The following AXDND1 variants were observed in gnomAD, a reference collection of about 807,000 sequenced individuals.
AXDND1 encodes axonemal dynein light chain domain-containing protein 1.
In AXDND1, 110 loss-of-function variants were observed where a neutral mutation model predicts 137.5. That is an observed-to-expected ratio of 0.80 (90% CI 0.69 to 0.94). AXDND1 has a LOEUF of 0.94. AXDND1 is among the 40% of genes least tolerant of loss of function. The pLI is 0.00. For missense variants in AXDND1, 1,191 were observed against 1,169.8 expected, an observed-to-expected ratio of 1.02 and a Z score of -0.26; for synonymous variants, 414 against 399.7, an observed-to-expected ratio of 1.04 and a Z score of -0.43.
intron 12 of AXDND1, among the ~76,000 whole-genome samples, chr1:179,420,359 G>T (rs560268110): frequency 2.0e-5 from 3 of 152,134 alleles, no homozygotes; most frequent in African/African-American, 7.2e-5. Flanking sequence ...ATTTTGTGAG[G>T]ATTTTTACAT....
Position 179,397,186 on chromosome 1 carries a change from T to C in AXDND1, c.1109+1984T>C, listed in dbSNP as rs894545706. On this transcript the variant is annotated intron_variant, in intron 11 of 25. Transcript: ENST00000367618. Reference sequence around the variant, plus strand: ...TCTTTTAAGGCAGATCTGGTGGTAATGAATTTTCTCAGCACTTGCTTGTCT... The same window carrying C: ...TCTTTTAAGGCAGATCTGGTGGTAACGAATTTTCTCAGCACTTGCTTGTCT... Among the ~76,000 whole-genome samples, 3 of 152,338 alleles carry C rather than the reference T, an allele frequency of 2.0e-5. No homozygotes were observed. In the East Asian group the frequency reaches 5.8e-4, roughly 29 times the overall value.
At chr1:179,540,844 C>T (rs1463875345) in intron 25 of AXDND1, among the ~76,000 whole-genome samples, 1 of 152,210 alleles carries the variant, frequency 6.6e-6, no homozygotes, top group African/African-American at 2.4e-5. Flanking sequence ...TCTATAAGTC[C>T]CTGACTTGGG....
At chr1:179,394,827 C>T (rs530930754) in intron 10 of AXDND1, among the ~76,000 whole-genome samples, 53 of 152,218 alleles carry the variant, frequency 3.5e-4, no homozygotes, top group Non-Finnish European at 6.3e-4. Context: ...GGCGGCCTTG[C>T]ATGTCAGCAT....
At chr1:179,439,116 C>T (rs1234090950) in intron 15 of AXDND1, among the ~76,000 whole-genome samples, 1 of 152,156 alleles carries the variant, frequency 6.6e-6, no homozygotes, top group Non-Finnish European at 1.5e-5. Flanking sequence ...GGTCTCCAAT[C>T]CACAATGTCT....
In AXDND1 at chr1:179,397,324, C is replaced by T. The variant is rs146000272; in HGVS notation, c.1109+2122C>T. On this transcript the variant is annotated intron_variant, in intron 11 of 25. Coordinates refer to ENST00000367618, the MANE Select transcript of AXDND1 (RefSeq NM_144696.6). Reference sequence around the variant, plus strand: ...TTGAATATTGGCTTCCAATCTCTTACGGCTTGTAGGGTTTCTGCTGAGAGG... The same window carrying T: ...TTGAATATTGGCTTCCAATCTCTTATGGCTTGTAGGGTTTCTGCTGAGAGG... Among the ~76,000 whole-genome samples the T allele has an allele frequency of 3.9e-3, 594 of 152,190 alleles. 5 individuals are homozygous for T. The highest frequency in any genetic ancestry group is 0.013 in the African/African-American group (551 of 41,530).
At chr1:179,385,431 T>G (rs1021108171) in intron 9 of AXDND1, 72 bp downstream of exon 9, 18 of 1,553,508 alleles carry the variant, frequency 1.2e-5, no homozygotes, top group Non-Finnish European at 1.5e-5. Context: ...TATCTACTTT[T>G]GAGAATGCCA....
intron 21 of AXDND1, among the ~76,000 whole-genome samples, chr1:179,512,252 T>C (rs1572132620): frequency 1.3e-5 from 2 of 152,168 alleles, no homozygotes; most frequent in African/African-American, 2.4e-5. Flanking sequence ...AGGTGAGAGA[T>C]GAGGATCCAG....
At chr1:179,498,060 T>C (rs573881565) in intron 20 of AXDND1, among the ~76,000 whole-genome samples, 1 of 152,240 alleles carries the variant, frequency 6.6e-6, no homozygotes, top group African/African-American at 2.4e-5. Flanking sequence ...GAAGAATCAA[T>C]ATCATAAAAA....
chr1:179,468,562 A>T lies in AXDND1; in HGVS notation c.1918A>T (p.Asn640Tyr), dbSNP rs750325178. 2 of 1,612,866 alleles carry T rather than the reference A, an allele frequency of 1.2e-6. No homozygotes were observed. The highest frequency in any genetic ancestry group is 8.5e-7 in the Non-Finnish European group (1 of 1,179,406). Residue 640 changes from asparagine (N) to tyrosine (Y), a missense_variant, in exon 17 of 26, where the codon AAT (asparagine) becomes TAT (tyrosine). Asn to Tyr is a moderately radical substitution (Grantham distance 143). Coordinates refer to ENST00000367618, the MANE Select transcript of AXDND1 (RefSeq NM_144696.6). ...ATGGCAGGAAATAGATGAAAAAATT[A>T]ATGAAATGAAATCACACTTGGATAT... ...EEWQEIDEKI[N>Y]EMKSHLDILL...
chr1:179,456,899 GC>G (rs1661488489), intron 16 of AXDND1: 17 of 1,015,178 alleles, frequency 1.7e-5, no homozygotes, highest in Non-Finnish European at 2.0e-5. Flanking sequence ...CAAAGGCAAA[GC>G]CTCTTTTCTT....
At chr1:179,497,962 G>A (rs1487894832) in intron 20 of AXDND1, among the ~76,000 whole-genome samples, 1 of 152,036 alleles carries the variant, frequency 6.6e-6, no homozygotes, top group African/African-American at 2.4e-5. Flanking sequence ...GGAGGTGAAA[G>A]GCGTCTACAA....
intron 4 of AXDND1, among the ~76,000 whole-genome samples, chr1:179,378,113 G>A (rs1192171952): frequency 6.6e-6 from 1 of 152,130 alleles, no homozygotes; most frequent in African/African-American, 2.4e-5. Context: ...AGGTTGTAGT[G>A]AGCTGAGATT....
At chr1:179,551,701 A>G in intron 25 of AXDND1, 1 of 511,648 alleles carries the variant, frequency 2.0e-6, no homozygotes, top group Non-Finnish European at 3.5e-6. Context: ...GGGAGTTATT[A>G]GCATCTGGTG....
chr1:179,480,459 C>T (rs890433309), intron 17 of AXDND1, among the ~76,000 whole-genome samples: 9 of 152,164 alleles, frequency 5.9e-5, no homozygotes, highest in African/African-American at 2.2e-4. Flanking sequence ...CACTGGGTCC[C>T]TCCCACAACA....
chr1:179,386,407 GT>G (rs1180585067), intron 9 of AXDND1, among the ~76,000 whole-genome samples: 1 of 151,658 alleles, frequency 6.6e-6, no homozygotes, highest in African/African-American at 2.4e-5. Context: ...ACTTGGTGTA[GT>G]TTTTTTTCAC....
intron 11 of AXDND1, among the ~76,000 whole-genome samples, chr1:179,402,821 A>G (rs963393511): frequency 2.0e-5 from 3 of 152,120 alleles, no homozygotes; most frequent in African/African-American, 7.2e-5. Context: ...TGCCATTATC[A>G]CTTGTGTCTC....
chr1:179,430,740 G>A, intron 14 of AXDND1, 134 bp downstream of exon 14: 1 of 877,842 alleles, frequency 1.1e-6, no homozygotes, highest in Non-Finnish European at 1.7e-6. Context: ...CCCTATGAAG[G>A]CACAATCCTG....
At chr1:179,517,240 G>A (rs982327079) in intron 21 of AXDND1, among the ~76,000 whole-genome samples, 7 of 152,126 alleles carry the variant, frequency 4.6e-5, no homozygotes, top group African/African-American at 1.4e-4. Context: ...GGGAAAGCAG[G>A]CGGTCACAGA....
chr1:179,410,937 A>T (rs966144499), intron 11 of AXDND1, among the ~76,000 whole-genome samples: 2 of 152,232 alleles, frequency 1.3e-5, no homozygotes, highest in African/African-American at 4.8e-5. Flanking sequence ...TAAGACTTTT[A>T]TAAGATTTAT....
Sources: allele counts gnomAD v4.1 joint callset (sites outside exome capture counted in the v4.1 genomes callset), GRCh38; gene constraint gnomAD v4.1.1; transcripts MANE v1.5; gene names NCBI Gene and HGNC (gene_info 2026-07-23, HGNC 2026-07-21).